TUB: variants seen among roughly 807,000 people sequenced by gnomAD.
TUB encodes TUB bipartite transcription factor.
In TUB, 33 loss-of-function variants were observed where a neutral mutation model predicts 59.7. The ratio of observed to expected loss-of-function variants is 0.55; its 90% CI spans 0.42 to 0.74. The LOEUF is 0.74. Ranked by LOEUF, TUB falls within the 30% of genes least tolerant of loss-of-function variation. The pLI is 0.00. For missense variants in TUB, 659 were observed against 672.0 expected (o/e 0.98, Z 0.21); for synonymous variants, 293 against 256.4 (o/e 1.14, Z -1.36).
At chr11:8,100,454 G>A in intron 9 of TUB, 49 bp from the exon 10 acceptor site, 1 of 1,468,398 alleles carries the variant, frequency 6.8e-7, no homozygotes, top group Non-Finnish European at 9.5e-7. Context: ...ACCTTCTCCA[G>A]TAGGTAAATA....
rs1944473377 is a variant in TUB at position 8,104,875 on chromosome 11, G to GT, written c.*3256_*3257insT. The GT allele has an allele frequency of 6.6e-6, 1 of 151,936 alleles. No homozygotes were observed. Among genetic ancestry groups the GT allele is most frequent in the South Asian group, 2.1e-4 (1 of 4,806 alleles). The allele number at this position is 151,936 out of a possible 1,614,324, so 9.4% of individuals were successfully genotyped here. A position where few individuals can be genotyped will look rare whatever the true frequency, so the allele number is the denominator to read the frequency against. On this transcript the variant is annotated 3_prime_UTR_variant, in exon 12 of 12. Transcript: ENST00000299506. ...AATCAGAAGCTATAAGAGAACTTTC[G>GT]GAGCCTGCCTCCTTCAGTGACAAGT...
chr11:8,022,331 CTG>C (rs1942441051), intron 1 of TUB, among the ~76,000 whole-genome samples: 1 of 152,202 alleles, frequency 6.6e-6, no homozygotes, highest in African/African-American at 2.4e-5. Context: ...AAGTGAAAAT[CTG>C]TGTTCTGCTG....
At chr11:8,080,334 G>T (rs1030524610), upstream of TUB, among the ~76,000 whole-genome samples, 1 of 152,218 alleles carries the variant, frequency 6.6e-6, no homozygotes, top group Admixed American at 6.5e-5. Context: ...GCTGCTCCTT[G>T]CTTCCGCCCG....
rs1197964399 is a variant in TUB, at chr11:8,104,128, A to G, written c.*2509A>G. ...GACTCGTAAAGCTGCTAGGGCCCCTAGAAACCACCTGGGTTCAGCCTCTCC... is the reference window on the plus strand; with the variant it reads ...GACTCGTAAAGCTGCTAGGGCCCCTGGAAACCACCTGGGTTCAGCCTCTCC... On this transcript the variant is annotated 3_prime_UTR_variant, in exon 12 of 12. Coordinates refer to ENST00000299506, the MANE Select transcript of TUB (RefSeq NM_177972.3). 1 of 152,306 alleles carries G rather than the reference A, an allele frequency of 6.6e-6. No homozygotes were observed. Among genetic ancestry groups the G allele is most frequent in the Non-Finnish European group, 1.5e-5 (1 of 68,090 alleles). The allele number at this position is 152,306 out of a possible 1,614,324, so 9.4% of individuals were successfully genotyped here. A position where few individuals can be genotyped will look rare whatever the true frequency, so the allele number is the denominator to read the frequency against.
At chr11:8,093,819 T>G (rs1222233352) in intron 3 of TUB, among the ~76,000 whole-genome samples, 1 of 152,188 alleles carries the variant, frequency 6.6e-6, no homozygotes, top group African/African-American at 2.4e-5. Flanking sequence ...TTGACTTGAT[T>G]ACACTGGGCT....
intron 2 of TUB, among the ~76,000 whole-genome samples, chr11:8,071,733 G>A (rs563296074): frequency 6.6e-6 from 1 of 152,288 alleles, no homozygotes; most frequent in East Asian, 1.9e-4. Context: ...ATGACAGAGA[G>A]AGCTGGGGTG....
intron 1 of TUB, among the ~76,000 whole-genome samples, chr11:8,031,287 G>A (rs547685156): frequency 1.3e-5 from 2 of 152,344 alleles, no homozygotes; most frequent in Non-Finnish European, 2.9e-5. Context: ...GAAGTGGAAG[G>A]AGGTCAGGTA....
intron 2 of TUB, among the ~76,000 whole-genome samples, chr11:8,065,376 G>A (rs914518159): frequency 2.0e-5 from 3 of 152,180 alleles, no homozygotes; most frequent in Non-Finnish European, 4.4e-5. Flanking sequence ...GTTCAACAAT[G>A]GGAGTGACAC....
chr11:8,081,117 T>C (rs1423180585), upstream of TUB, among the ~76,000 whole-genome samples: 2 of 107,560 alleles, frequency 1.9e-5, no homozygotes, highest in African/African-American at 7.2e-5. Context: ...GCAAGGGCGC[T>C]CCGCAGGCCC....
At chr11:8,045,872 G>A (rs970255658) in intron 2 of TUB, among the ~76,000 whole-genome samples, 8 of 152,134 alleles carry the variant, frequency 5.3e-5, no homozygotes, top group African/African-American at 1.9e-4. Flanking sequence ...CTGATGTTCT[G>A]TGTATTAGGA....
intron 1 of TUB, among the ~76,000 whole-genome samples, chr11:8,033,103 G>A (rs964077256): frequency 6.6e-6 from 1 of 152,146 alleles, no homozygotes; most frequent in Non-Finnish European, 1.5e-5. Flanking sequence ...GGGGAACCTG[G>A]GAGACAGGGA....
intron 1 of TUB, among the ~76,000 whole-genome samples, chr11:8,020,656 T>A (rs1386278466): frequency 6.6e-6 from 1 of 152,224 alleles, no homozygotes; most frequent in Non-Finnish European, 1.5e-5. Flanking sequence ...CTGAATTGGT[T>A]AATTCTGTTT....
chr11:8,075,563 T>G (rs940731927), intron 2 of TUB: 1 of 152,232 alleles, frequency 6.6e-6, no homozygotes, highest in South Asian at 2.1e-4. Context: ...GCAAACTTTA[T>G]TTTTGTCTCC....
At chr11:8,034,937 A>G (rs574116108), upstream of TUB, among the ~76,000 whole-genome samples, 298 of 152,334 alleles carry the variant, frequency 2.0e-3, no homozygotes, top group South Asian at 3.9e-3. Context: ...ATCTGATTCT[A>G]TCAGAACTGA....
intron 1 of TUB, chr11:8,039,419 C>T (rs1329149379): frequency 4.7e-6 from 2 of 429,904 alleles, no homozygotes; most frequent in Non-Finnish European, 8.0e-6. Flanking sequence ...GTCATCACTG[C>T]CCTCATCTGG....
intron 2 of TUB, among the ~76,000 whole-genome samples, chr11:8,059,522 G>A (rs1384838785): frequency 6.6e-6 from 1 of 152,136 alleles, no homozygotes; most frequent in African/African-American, 2.4e-5. Context: ...GAGTATGCTA[G>A]GGGATGGTGA....
In TUB at chr11:8,081,541, C is replaced by T. The variant is rs771235347; in HGVS notation, c.31C>T (p.Pro11Ser). Residue 11 changes from proline (P) to serine (S), a missense_variant, in exon 1 of 12, where the codon CCC becomes TCC. Coordinates refer to ENST00000299506, the MANE Select transcript of TUB (RefSeq NM_177972.3). ...TTCCAAGCCGCATTCCGACTGGATT[C>T]CCTACAGGTACGCGGGCGCCGGGCC... The part of the protein sequence containing the change: MTSKPHSDWI[P>S]YSVLDDEGRN... 6.5e-6 allele frequency: 10 copies of T among 1,550,386 alleles called. No homozygotes were observed. The highest frequency in any genetic ancestry group is 7.8e-6 in the Non-Finnish European group (9 of 1,153,962).
rs548839496 is a variant in TUB, at chr11:8,105,022, G to T, written c.*3403G>T. The T allele has an allele frequency of 6.7e-6, 1 of 149,854 alleles. No individual in the cohort carries two copies. Among genetic ancestry groups the T allele is most frequent in the South Asian group, 2.1e-4 (1 of 4,728 alleles). 9.3% of individuals were successfully genotyped at this position (149,854 alleles called of 1,614,324 possible). ...AGAGGTAATTCTAAATTTAACAAGT[G>T]ACAGGGTTGGTTTCAAAGAAAAAGG... On this transcript the variant is annotated 3_prime_UTR_variant, in exon 12 of 12. Transcript: ENST00000299506.
At position 8,101,856 on chromosome 11, in the gene TUB, G is replaced by GATTCGGCGAC; in HGVS notation, c.*237_*238insATTCGGCGAC. ...AAGGGATGAGAATAATTCTTTCCAT[G>GATTCGGCGAC]CCACGAGATCAACACACACTCCCAC... On this transcript the variant is annotated 3_prime_UTR_variant, in exon 12 of 12. Coordinates refer to ENST00000299506, the MANE Select transcript of TUB (RefSeq NM_177972.3). The GATTCGGCGAC allele has an allele frequency of 2.1e-6, 1 of 482,858 alleles. No individual in the cohort carries two copies. The highest frequency in any genetic ancestry group is 3.4e-6 in the Non-Finnish European group (1 of 295,352). The allele number at this position is 482,858 out of a possible 1,614,324, so 29.9% of individuals were successfully genotyped here.
Sources: gnomAD v4.1 joint callset for allele counts (sites outside exome capture counted in the v4.1 genomes callset) on GRCh38, gnomAD v4.1.1 for gene constraint, MANE v1.5 for transcripts, NCBI Gene and HGNC (gene_info 2026-07-23, HGNC 2026-07-21) for gene names.